The following PRTG variants were observed in gnomAD, a reference collection of about 807,000 sequenced individuals.
PRTG encodes the protein protogenin.
PRTG carries 67 observed loss-of-function variants against 122.5 expected under a neutral mutation model. That is an observed-to-expected ratio of 0.55 (90% CI 0.45 to 0.67). The LOEUF (loss-of-function observed/expected upper bound fraction) is 0.67, where lower values mean the gene tolerates loss of function less well. Ranked by LOEUF, PRTG falls within the 30% of genes least tolerant of loss-of-function variation. The pLI, the probability that PRTG is intolerant of heterozygous loss-of-function variation, is 0.00. For synonymous variants in PRTG, 554 were observed against 501.1 expected (o/e 1.11, Z -1.41); for missense variants, 1,435 against 1,415.4 (o/e 1.01, Z -0.22).
chr15:55,708,464 C>A (rs1053019036), intron 2 of PRTG, among the ~76,000 whole-genome samples: 1 of 152,044 alleles, frequency 6.6e-6, no homozygotes, highest in South Asian at 2.1e-4. Flanking sequence ...AAAAATTAGC[C>A]GGGTGCAGTG....
At chr15:55,621,311 A>C (rs1158253026) in intron 18 of PRTG, among the ~76,000 whole-genome samples, 1 of 152,176 alleles carries the variant, frequency 6.6e-6, no homozygotes, top group Non-Finnish European at 1.5e-5. Context: ...AGATCAAGCC[A>C]CTGCACTCCA....
intron 11 of PRTG, among the ~76,000 whole-genome samples, chr15:55,657,434 C>T (rs906296502): frequency 6.6e-6 from 1 of 152,116 alleles, no homozygotes; most frequent in Admixed American, 6.5e-5. Context: ...GTTTCCTCCA[C>T]TAATATCTCT....
Position 55,742,881 on chromosome 15 carries a change from C to A in PRTG, c.51G>T (p.Leu17=). 1 of 1,534,652 alleles carries A rather than the reference C, an allele frequency of 6.5e-7. No homozygotes were observed. The highest frequency in any genetic ancestry group is 8.8e-7 in the Non-Finnish European group (1 of 1,139,748). Residue 17 remains leucine, a synonymous_variant, in exon 1 of 20, where the codon CTG becomes CTT. Transcript: ENST00000389286. ...GCAGCAGGAGCAGGAGCGCGCGGAG[C>A]AGCATCCCCGGCGGTCGCAGCCGGG... ...PLARLRPPGM[L]LRALLLLLLL... is the part of the protein sequence containing the mutation.
At chr15:55,620,947 T>C (rs769780142) in intron 18 of PRTG, among the ~76,000 whole-genome samples, 180 bp from the exon 19 acceptor site, 1 of 152,216 alleles carries the variant, frequency 6.6e-6, no homozygotes, top group Admixed American at 6.5e-5. Flanking sequence ...ACATATTGTG[T>C]GGTAGTGGGG....
At position 55,628,926 on chromosome 15, in the gene PRTG, A is replaced by C; in HGVS notation, c.2702T>G (p.Val901Gly). Residue 901 changes from valine (V) to glycine (G), a missense_variant, in exon 16 of 20, where the codon GTG becomes GGG. Transcript: ENST00000389286. ...AGAATTTGAAAAGGGTCCTTCTCCC[A>C]CCTCATTGGATGCAGATATCTTGAC... ...YIVKISASNEVGEGPFSNSVE... is the reference protein window; with the variant it reads ...YIVKISASNEGGEGPFSNSVE... 1 of 1,613,996 alleles carries C rather than the reference A, an allele frequency of 6.2e-7. No individual in the cohort carries two copies.
chr15:55,621,286 G>C (rs750792334), intron 18 of PRTG, among the ~76,000 whole-genome samples: 11 of 152,142 alleles, frequency 7.2e-5, no homozygotes, highest in Non-Finnish European at 4.4e-5. Flanking sequence ...AGGAGGGAGA[G>C]GTTGCAGTGA....
At chr15:55,634,178 C>T (rs2059243601) in intron 15 of PRTG, among the ~76,000 whole-genome samples, 1 of 148,952 alleles carries the variant, frequency 6.7e-6, no homozygotes, top group Non-Finnish European at 1.5e-5. Flanking sequence ...AGTGATTCTC[C>T]TGCCTCAGCC....
chr15:55,676,370 C>T (rs1023384341), intron 8 of PRTG, among the ~76,000 whole-genome samples: 2 of 152,048 alleles, frequency 1.3e-5, no homozygotes, highest in Non-Finnish European at 2.9e-5. Flanking sequence ...TTAATTCCTA[C>T]AGAGCAAACC....
At chr15:55,709,812 C>A (rs1365515560) in intron 2 of PRTG, among the ~76,000 whole-genome samples, 3 of 152,110 alleles carry the variant, frequency 2.0e-5, no homozygotes, top group African/African-American at 4.8e-5. Context: ...GCAAACTAAT[C>A]TATAGTGACA....
rs958895907 is a variant in PRTG at position 55,614,468 on chromosome 15, A to T, written c.*5544T>A. ...AAGAAAACAAAGAATAAACTTGAGC[A>T]TGGTCCTGTTCATCACTCTGAGTTC... On this transcript the variant is annotated 3_prime_UTR_variant, in exon 20 of 20. Transcript: ENST00000389286. 1.2e-4 allele frequency: 19 copies of T among 152,114 alleles called. No homozygotes were observed. Among genetic ancestry groups the T allele is most frequent in the Admixed American group, 9.8e-4 (15 of 15,262 alleles). 9.4% of individuals were successfully genotyped at this position (152,114 alleles called of 1,614,324 possible).
chr15:55,743,041 C>A lies in PRTG; in HGVS notation c.-110G>T. ...CGGCTGGTCGCACGCAGCCTGGCTC[C>A]CCGCTCCGGCTCCGGCACCGGCGTG... On this transcript the variant is annotated 5_prime_UTR_variant, in exon 1 of 20. Coordinates refer to ENST00000389286, the MANE Select transcript of PRTG (RefSeq NM_173814.6). 2.3e-6 allele frequency: 3 copies of A among 1,312,096 alleles called. No homozygotes were observed. Among genetic ancestry groups the A allele is most frequent in the South Asian group, 2.2e-5 (1 of 45,170 alleles). The allele number at this position is 1,312,096 out of a possible 1,614,324, so 81.3% of individuals were successfully genotyped here. A position where few individuals can be genotyped will look rare whatever the true frequency, so the allele number is the denominator to read the frequency against.
chr15:55,738,006 A>T (rs4774808), intron 2 of PRTG, among the ~76,000 whole-genome samples: 5,142 of 87,508 alleles, frequency 0.059, 151 homozygotes, highest in Middle Eastern at 0.21. Context: ...CTCTCTCTAT[A>T]TATATATATA....
chr15:55,696,275 C>G (rs758009267), intron 2 of PRTG, among the ~76,000 whole-genome samples: 1 of 152,026 alleles, frequency 6.6e-6, no homozygotes, highest in Admixed American at 6.6e-5. Flanking sequence ...AAAAAGAACA[C>G]GGGGAAATTT....
At chr15:55,661,028 G>T (rs2059406816) in intron 11 of PRTG, among the ~76,000 whole-genome samples, 1 of 152,078 alleles carries the variant, frequency 6.6e-6, no homozygotes, top group South Asian at 2.1e-4. Flanking sequence ...TAAATCTGAA[G>T]AAAAATTTAA....
intron 4 of PRTG, 112 bp from the exon 5 acceptor site, chr15:55,680,740 T>C (rs2059533395): frequency 3.2e-6 from 2 of 631,206 alleles, no homozygotes; most frequent in South Asian, 5.4e-5. Flanking sequence ...AAAACAACTT[T>C]ATTGAGATAT....
At chr15:55,669,008 T>C (rs2059453473) in intron 11 of PRTG, among the ~76,000 whole-genome samples, 1 of 152,218 alleles carries the variant, frequency 6.6e-6, no homozygotes. Context: ...TATGTAGTAC[T>C]ACATCTCAGA....
At chr15:55,678,108 G>C in intron 7 of PRTG, 64 bp from the exon 8 acceptor site, 1 of 1,041,332 alleles carries the variant, frequency 9.6e-7, no homozygotes, top group Non-Finnish European at 1.4e-6. Flanking sequence ...ATAAAGTTTA[G>C]CTATTGCTAA....
chr15:55,732,473 C>T (rs1168951800), intron 2 of PRTG, among the ~76,000 whole-genome samples: 1 of 149,508 alleles, frequency 6.7e-6, no homozygotes, highest in South Asian at 2.1e-4. Flanking sequence ...GTATGAGCAA[C>T]TGCGCCTGGC....
intron 2 of PRTG, among the ~76,000 whole-genome samples, chr15:55,706,195 A>C (rs1323156777): frequency 1.3e-5 from 2 of 151,796 alleles, no homozygotes; most frequent in African/African-American, 4.8e-5. Flanking sequence ...ACTTTGAAGG[A>C]AAGAATACTA....
Sources: allele counts gnomAD v4.1 joint callset (sites outside exome capture counted in the v4.1 genomes callset), GRCh38; gene constraint gnomAD v4.1.1; transcripts MANE v1.5; gene names NCBI Gene and HGNC (gene_info 2026-07-23, HGNC 2026-07-21).